PCGF3: variants seen among roughly 807,000 people sequenced by gnomAD.
PCGF3 encodes polycomb group RING finger protein 3.
A neutral mutation model predicts 33.1 loss-of-function variants in PCGF3; 7 were observed. The ratio of observed to expected loss-of-function variants is 0.21; its 90% CI spans 0.12 to 0.40. The LOEUF is 0.40. PCGF3 is among the 10% of genes least tolerant of loss of function. The pLI, the probability that PCGF3 is intolerant of heterozygous loss-of-function variation, is 1.00. For synonymous variants in PCGF3, 153 were observed against 121.3 expected (o/e 1.26, Z -1.72); for missense variants, 211 against 313.3 (o/e 0.67, Z 2.46).
chr4:766,158 C>T (rs1010915535), exon 11 of PCGF3: 94 of 1,185,584 alleles, frequency 7.9e-5, no homozygotes, highest in Admixed American at 3.6e-5. Flanking sequence ...AACATTGCCT[C>T]TGGGTGTCAT....
intron 8 of PCGF3, among the ~76,000 whole-genome samples, chr4:748,417 C>G (rs1451024692): frequency 6.6e-6 from 1 of 152,146 alleles, no homozygotes; most frequent in East Asian, 1.9e-4. Flanking sequence ...CCAGGCTGGT[C>G]TCGAACTTCT....
At chr4:750,199 C>CT (rs1448260547) in intron 8 of PCGF3, among the ~76,000 whole-genome samples, 1 of 152,240 alleles carries the variant, frequency 6.6e-6, no homozygotes, top group Admixed American at 6.5e-5. Flanking sequence ...GCATTCATTT[C>CT]TAAAGAAGCT....
At chr4:744,559 T>C in intron 7 of PCGF3, 41 bp from the exon 8 acceptor site, 10 of 1,443,838 alleles carry the variant, frequency 6.9e-6, no homozygotes, top group Non-Finnish European at 8.6e-6. Flanking sequence ...GGCTTGACAG[T>C]TTGGATTTCA....
intron 1 of PCGF3, among the ~76,000 whole-genome samples, chr4:716,226 G>A: frequency 7.7e-6 from 1 of 130,066 alleles, no homozygotes; most frequent in African/African-American, 2.8e-5. Flanking sequence ...TGGGTGCTGG[G>A]ACCCTCTAGA....
At chr4:715,159 A>C (rs1577395463) in intron 1 of PCGF3, among the ~76,000 whole-genome samples, 17 of 142,852 alleles carry the variant, frequency 1.2e-4, no homozygotes, top group South Asian at 4.6e-4. Context: ...TGAGTGTGAG[A>C]ACTGGGCGTC....
rs549006676 is a variant in PCGF3, at chr4:720,721, C to T, written c.-189-9909C>T. Among the ~76,000 whole-genome samples, 9 of 148,164 alleles carry T rather than the reference C, an allele frequency of 6.1e-5. No homozygotes were observed. Among genetic ancestry groups the T allele is most frequent in the East Asian group, 2.0e-4 (1 of 4,972 alleles). ...TGCGTGTGGACCCGGCGTGGACGGG[C>T]GGTGACGTGCGTGTGGACCCGGCGT... On this transcript the variant is annotated intron_variant, in intron 1 of 10. Transcript: ENST00000362003. The surrounding 1 kb of genome is among the most constrained non-coding windows in gnomAD (Gnocchi z 5.6).
intron 3 of PCGF3, 127 bp downstream of exon 3, chr4:731,237 C>T (rs1451024424): frequency 5.0e-6 from 2 of 398,448 alleles, no homozygotes; most frequent in East Asian, 3.6e-5. Context: ...GTTCACGGTT[C>T]ACTGCCGAGT....
intron 8 of PCGF3, 29 bp downstream of exon 8, chr4:744,717 GT>G: frequency 8.9e-7 from 1 of 1,127,976 alleles, no homozygotes. Flanking sequence ...TCGCTGCAGT[GT>G]TAGTGTTCGC....
intron 6 of PCGF3, 27 bp downstream of exon 6, chr4:737,548 C>T: frequency 6.7e-7 from 1 of 1,492,882 alleles, no homozygotes; most frequent in Non-Finnish European, 9.3e-7. Context: ...CTTGCTGATC[C>T]CTGAGGTCCC....
At chr4:766,228 T>A in exon 11 of PCGF3, 1 of 630,360 alleles carries the variant, frequency 1.6e-6, no homozygotes, top group Non-Finnish European at 2.8e-6. Context: ...GAATTCACAC[T>A]CAACAAGACA....
At position 765,076 on chromosome 4, in the gene PCGF3, GA is replaced by G; in HGVS notation, c.681+13del. 6.3e-7 allele frequency: 1 copy of G among 1,591,966 alleles called. No individual in the cohort carries two copies. Among genetic ancestry groups the G allele is most frequent in the Middle Eastern group, 1.7e-4 (1 of 6,012 alleles). Reference sequence around the variant, plus strand: ...GGTGGAGATTCAAGGTGAGACACGTGATTTGATTTTCAGAGTCTGCTCTGAA... The same window carrying G: ...GGTGGAGATTCAAGGTGAGACACGTGTTTGATTTTCAGAGTCTGCTCTGAA... On this transcript the variant is annotated intron_variant, in intron 10 of 10. Coordinates refer to ENST00000362003, the Ensembl canonical transcript of PCGF3.
At chr4:730,151 G>A (rs185668153) in intron 1 of PCGF3, among the ~76,000 whole-genome samples, 6 of 152,174 alleles carry the variant, frequency 3.9e-5, no homozygotes, top group South Asian at 2.1e-4. Flanking sequence ...TCTGGTAGGC[G>A]CAGGCAGGTC....
At chr4:733,304 C>G (rs551234956) in intron 3 of PCGF3, among the ~76,000 whole-genome samples, 1 of 152,256 alleles carries the variant, frequency 6.6e-6, no homozygotes, top group Non-Finnish European at 1.5e-5. Flanking sequence ...TCTGCCTTCG[C>G]GGGCTCCTCC....
chr4:751,907 A>G (rs1009301830), intron 8 of PCGF3, among the ~76,000 whole-genome samples: 3 of 152,178 alleles, frequency 2.0e-5, no homozygotes, highest in Admixed American at 6.5e-5. Flanking sequence ...TGCCACCCCC[A>G]CTGGTGGGCA....
chr4:754,331 C>T (rs539166888), intron 8 of PCGF3, among the ~76,000 whole-genome samples: 206 of 152,326 alleles, frequency 1.4e-3, no homozygotes, highest in Non-Finnish European at 2.3e-3. Context: ...CACCCTCGGG[C>T]ACGCGCTGTG....
chr4:762,316 G>A (rs1004887550), intron 9 of PCGF3: 12 of 176,302 alleles, frequency 6.8e-5, no homozygotes, highest in Admixed American at 5.9e-4. Flanking sequence ...ACAGAGCAGA[G>A]GACGGACTGG....
At chr4:706,559 G>C (rs1378707048) in intron 1 of PCGF3, among the ~76,000 whole-genome samples, 1 of 143,248 alleles carries the variant, frequency 7.0e-6, no homozygotes, top group Non-Finnish European at 1.5e-5. Context: ...GGAGGGCGAA[G>C]ACCCCAGCCC....
At chr4:734,123 C>A (rs1390949288) in intron 4 of PCGF3, 2 of 1,550,408 alleles carry the variant, frequency 1.3e-6, no homozygotes, top group Non-Finnish European at 1.7e-6. Flanking sequence ...TCCTTAGATC[C>A]TTCAAAGGGG....
rs533606653 is a variant in PCGF3, at chr4:721,624, C to T, written c.-189-9006C>T. On this transcript the variant is annotated intron_variant, in intron 1 of 10. Transcript: ENST00000362003. The surrounding 1 kb of genome is among the most constrained non-coding windows in gnomAD (Gnocchi z 4.1). ...ACAGGACAGAGAAGCTCCTGGTGAG[C>T]GGGGCTGCTGAACGCAGGCCCCAGG... 7.9e-5 allele frequency among the ~76,000 whole-genome samples: 12 copies of T among 152,188 alleles called. No individual in the cohort carries two copies. Among genetic ancestry groups the T allele is most frequent in the East Asian group, 1.9e-4 (1 of 5,168 alleles).
Sources: allele counts gnomAD v4.1 joint callset (sites outside exome capture counted in the v4.1 genomes callset), GRCh38; gene constraint gnomAD v4.1.1; non-coding constraint Gnocchi (gnomAD v3.1); transcripts MANE v1.5; gene names NCBI Gene and HGNC (gene_info 2026-07-23, HGNC 2026-07-21).